ADAMTS18: variants seen among roughly 807,000 people sequenced by gnomAD.
ADAMTS18 encodes the protein ADAM metallopeptidase with thrombospondin type 1 motif 18.
ADAMTS18 carries 157 observed loss-of-function variants against 165.9 expected under a neutral mutation model. The observed-to-expected ratio is 0.95, with a 90% CI of 0.83 to 1.08. The LOEUF is 1.08. ADAMTS18 is among the 50% of genes least tolerant of loss of function. The probability of loss-of-function intolerance (pLI) is 0.00; values close to 1 mark genes in which losing one functional copy is unlikely to be tolerated. For synonymous variants in ADAMTS18, 782 were observed against 578.2 expected, an observed-to-expected ratio of 1.35 and a Z score of -5.06; for missense variants, 2,040 against 1,534.0, an observed-to-expected ratio of 1.33 and a Z score of -5.51.
At chr16:77,310,908 C>T (rs1289821503) in intron 16 of ADAMTS18, among the ~76,000 whole-genome samples, 2 of 152,206 alleles carry the variant, frequency 1.3e-5, no homozygotes, top group East Asian at 1.9e-4. Context: ...AATTTTTGCA[C>T]CTGGCCTGAT....
Position 77,282,505 on chromosome 16 carries a change from G to A in ADAMTS18, c.*1451C>T, listed in dbSNP as rs997026224. On this transcript the variant is annotated 3_prime_UTR_variant, in exon 23 of 23. Coordinates refer to ENST00000282849, the MANE Select transcript of ADAMTS18 (RefSeq NM_199355.4). ...TCATGACTTTAATTAGAATGGGAAC[G>A]AAGTATGCTGCTAAATTTAACAAAC... is the stretch of plus-strand genomic sequence containing the variant. 1.3e-5 allele frequency: 2 copies of A among 152,522 alleles called. No homozygotes were observed. Among genetic ancestry groups the A allele is most frequent in the African/African-American group, 4.8e-5 (2 of 41,434 alleles). The allele number at this position is 152,522 out of a possible 1,614,324, so 9.4% of individuals were successfully genotyped here.
At chr16:77,341,582 A>G in intron 11 of ADAMTS18, 122 bp downstream of exon 11, 1 of 800,806 alleles carries the variant, frequency 1.2e-6, no homozygotes, top group South Asian at 1.5e-5. Context: ...TGTTGTTAAT[A>G]TGAAGAGAAG....
intron 17 of ADAMTS18, among the ~76,000 whole-genome samples, 184 bp from the exon 18 acceptor site, chr16:77,297,599 AATAAT>A (rs202217237): frequency 0.014 from 2,082 of 152,050 alleles, 40 homozygotes; most frequent in African/African-American, 0.047. Context: ...CCCTCCCTAA[AATAAT>A]ATATTTTATA....
intron 16 of ADAMTS18, among the ~76,000 whole-genome samples, chr16:77,308,329 A>T (rs142198575): frequency 2.6e-4 from 39 of 152,350 alleles, no homozygotes; most frequent in African/African-American, 8.9e-4. Flanking sequence ...AAGTTACTTC[A>T]TAATGAAACA....
chr16:77,323,863 T>C (rs1367587405), intron 13 of ADAMTS18, among the ~76,000 whole-genome samples: 1 of 152,186 alleles, frequency 6.6e-6, no homozygotes, highest in Non-Finnish European at 1.5e-5. Context: ...TGCATTCTGC[T>C]CTGCATCTAG....
At chr16:77,432,770 T>TAAAA (rs398042239) in intron 2 of ADAMTS18, among the ~76,000 whole-genome samples, 5 of 144,386 alleles carry the variant, frequency 3.5e-5, no homozygotes, top group Non-Finnish European at 3.0e-5. Flanking sequence ...CCTCCTCCAA[T>TAAAA]AAAAAAAAAA....
At chr16:77,293,308 C>T (rs754266847) in intron 19 of ADAMTS18, 50 bp from the exon 20 acceptor site, 2 of 1,475,108 alleles carry the variant, frequency 1.4e-6, no homozygotes, top group Non-Finnish European at 1.9e-6. Flanking sequence ...GTTTCAGTAG[C>T]CACATTAAAA....
chr16:77,380,931 T>C (rs1303526967), intron 3 of ADAMTS18, among the ~76,000 whole-genome samples: 9 of 152,196 alleles, frequency 5.9e-5, no homozygotes, highest in Non-Finnish European at 1.2e-4. Flanking sequence ...TGGAGTACAG[T>C]GACACGATAT....
In ADAMTS18 at chr16:77,321,110, T is replaced by C. The variant is rs1437346961; in HGVS notation, c.2256A>G (p.Lys752=). 6.2e-7 allele frequency: 1 copy of C among 1,614,034 alleles called. No homozygotes were observed. Among genetic ancestry groups the C allele is most frequent in the African/African-American group, 1.3e-5 (1 of 74,918 alleles). Residue 752 remains lysine (K), a synonymous_variant, in exon 15 of 23, where the codon AAA becomes AAG. Transcript: ENST00000282849. ...CTTTATGCTGGTTGAGGTACAGGCCTTTATAAAACTTGCAAGTTGAATTAT... is the reference window on the plus strand; with the variant it reads ...CTTTATGCTGGTTGAGGTACAGGCCCTTATAAAACTTGCAAGTTGAATTAT... ...KGDNSTCKFY[K]GLYLNQHKAN...
chr16:77,334,581 TTATAGTATATAGTATATATATACTAC>T (rs1555514183), intron 12 of ADAMTS18, among the ~76,000 whole-genome samples: 2 of 111,638 alleles, frequency 1.8e-5, no homozygotes, highest in Admixed American at 2.2e-4. Flanking sequence ...ATAGTATATA[TTATAGTATATAGTATATATATACTAC>T]TATAGTATAT....
At chr16:77,324,817 C>T (rs954413375) in intron 13 of ADAMTS18, among the ~76,000 whole-genome samples, 19 of 152,118 alleles carry the variant, frequency 1.2e-4, no homozygotes, top group Admixed American at 1.3e-4. Context: ...GAATGTAAGT[C>T]GTTTCTCATG....
At chr16:77,293,736 G>A (rs1028141360) in intron 19 of ADAMTS18, among the ~76,000 whole-genome samples, 4 of 149,196 alleles carry the variant, frequency 2.7e-5, no homozygotes, top group African/African-American at 9.9e-5. Flanking sequence ...AGATCATCAC[G>A]CATGAGATTC....
At chr16:77,373,869 A>C (rs924809378) in intron 3 of ADAMTS18, among the ~76,000 whole-genome samples, 2 of 152,166 alleles carry the variant, frequency 1.3e-5, no homozygotes, top group Non-Finnish European at 2.9e-5. Flanking sequence ...ACTCTGTGAC[A>C]GCAGGGGTCA....
chr16:77,298,180 T>G (rs2055512494), intron 17 of ADAMTS18, among the ~76,000 whole-genome samples: 1 of 152,036 alleles, frequency 6.6e-6, no homozygotes, highest in South Asian at 2.1e-4. Context: ...GCCCCCAAAG[T>G]GCTGGTATTA....
intron 3 of ADAMTS18, among the ~76,000 whole-genome samples, chr16:77,394,736 T>C (rs149992473): frequency 2.0e-5 from 3 of 152,234 alleles, no homozygotes; most frequent in Non-Finnish European, 4.4e-5. Flanking sequence ...GCAATTCTTA[T>C]ATTTTTGGAA....
At chr16:77,416,178 A>C (rs886647039) in intron 3 of ADAMTS18, among the ~76,000 whole-genome samples, 4 of 152,170 alleles carry the variant, frequency 2.6e-5, no homozygotes, top group Non-Finnish European at 4.4e-5. Context: ...GGGAAGAAAT[A>C]ATCAGATGGA....
chr16:77,370,383 T>C (rs1266229689), intron 3 of ADAMTS18, among the ~76,000 whole-genome samples: 1 of 151,832 alleles, frequency 6.6e-6, no homozygotes, highest in African/African-American at 2.4e-5. Flanking sequence ...CACAGTAGAG[T>C]TGTAGGACGC....
intron 21 of ADAMTS18, chr16:77,291,062 T>C (rs1185855009): frequency 3.6e-6 from 2 of 557,094 alleles, no homozygotes; most frequent in Non-Finnish European, 6.3e-6. Context: ...TCCCAGATAA[T>C]GATTTTCTAG....
At chr16:77,414,572 G>A (rs1283955352) in intron 3 of ADAMTS18, among the ~76,000 whole-genome samples, 1 of 151,954 alleles carries the variant, frequency 6.6e-6, no homozygotes, top group Non-Finnish European at 1.5e-5. Context: ...CGGTTGACTT[G>A]CATTATATTT....
Sources: allele counts gnomAD v4.1 joint callset (sites outside exome capture counted in the v4.1 genomes callset), GRCh38; gene constraint gnomAD v4.1.1; transcripts MANE v1.5; gene names NCBI Gene and HGNC (gene_info 2026-07-23, HGNC 2026-07-21).